TNFRSF21: variants seen among roughly 807,000 people sequenced by gnomAD.
TNFRSF21 encodes the protein tumor necrosis factor receptor superfamily member 21.
A neutral mutation model predicts 45.6 loss-of-function variants in TNFRSF21; 19 were observed. The observed-to-expected ratio is 0.42, with a 90% confidence interval of 0.29 to 0.61. TNFRSF21 has a LOEUF of 0.61. TNFRSF21 is among the 20% of genes least tolerant of loss of function. The probability of loss-of-function intolerance (pLI) is 0.23; values close to 1 mark genes in which losing one functional copy is unlikely to be tolerated. For missense variants in TNFRSF21, 737 were observed against 851.5 expected (o/e 0.87, Z 1.67); for synonymous variants, 314 against 335.5 (o/e 0.94, Z 0.70).
At chr6:47,297,510 C>CT (rs55690288) in intron 1 of TNFRSF21, among the ~76,000 whole-genome samples, 16,155 of 117,424 alleles carry the variant, frequency 0.14, 1,418 homozygotes, top group East Asian at 0.4. Context: ...TCTCTTTTTA[C>CT]TTTTTTTTTT....
intron 1 of TNFRSF21, among the ~76,000 whole-genome samples, chr6:47,292,912 T>C (rs899730567): frequency 1.3e-5 from 2 of 152,238 alleles, no homozygotes; most frequent in Non-Finnish European, 2.9e-5. Flanking sequence ...GGACTGTCCA[T>C]ACATAGCGTT....
intron 1 of TNFRSF21, among the ~76,000 whole-genome samples, chr6:47,301,201 A>T (rs1762861330): frequency 6.6e-6 from 1 of 152,232 alleles, no homozygotes; most frequent in South Asian, 2.1e-4. Flanking sequence ...ATGAATGAAC[A>T]GTTAGTTTAA....
At chr6:47,240,746 A>C (rs772631942) in intron 4 of TNFRSF21, among the ~76,000 whole-genome samples, 64 of 152,204 alleles carry the variant, frequency 4.2e-4, no homozygotes, top group Middle Eastern at 3.4e-3. Flanking sequence ...GCAGACTTAC[A>C]CTCCAGCTGG....
chr6:47,279,773 G>C (rs138722138), intron 3 of TNFRSF21, among the ~76,000 whole-genome samples: 16 of 152,246 alleles, frequency 1.1e-4, no homozygotes, highest in African/African-American at 2.4e-4. Context: ...ATTTTTATAT[G>C]TAAACATTCT....
intron 3 of TNFRSF21, among the ~76,000 whole-genome samples, chr6:47,254,967 AG>A (rs1433111948): frequency 2.0e-5 from 3 of 152,192 alleles, no homozygotes; most frequent in African/African-American, 4.8e-5. Flanking sequence ...CCAACTCACC[AG>A]TTTTGTAATT....
intron 1 of TNFRSF21, among the ~76,000 whole-genome samples, chr6:47,296,231 C>T (rs1206689162): frequency 6.6e-6 from 1 of 152,120 alleles, no homozygotes; most frequent in African/African-American, 2.4e-5. Context: ...AGCATGTGAA[C>T]CAAGGCAAAA....
At chr6:47,280,718 A>G (rs1762555744) in intron 3 of TNFRSF21, among the ~76,000 whole-genome samples, 3 of 152,206 alleles carry the variant, frequency 2.0e-5, no homozygotes, top group Admixed American at 2.0e-4. Flanking sequence ...TAAGGTTACC[A>G]TGGTCATAAG....
chr6:47,253,563 G>T (rs767438907), intron 3 of TNFRSF21, 42 bp from the exon 4 acceptor site: 7 of 1,592,606 alleles, frequency 4.4e-6, no homozygotes, highest in South Asian at 2.2e-5. Flanking sequence ...GGGCTTGTAA[G>T]GGAAGCTTCT....
rs1764636834 is a variant in TNFRSF21, at chr6:47,234,666, G to A, written c.1738+4C>T. On this transcript the variant is annotated splice_donor_region_variant and intron_variant, in intron 5 of 5. Coordinates refer to ENST00000296861, the MANE Select transcript of TNFRSF21 (RefSeq NM_014452.5). ...GTGTGTGAGGTCTGCTGCGATGCCC[G>A]TACCTTTGGTAATAAAGGAACCGTT... 1.2e-6 allele frequency: 2 copies of A among 1,602,232 alleles called. No individual in the cohort carries two copies. Among genetic ancestry groups the A allele is most frequent in the Middle Eastern group, 1.8e-4 (1 of 5,428 alleles).
At chr6:47,266,791 A>G (rs1762337917) in intron 3 of TNFRSF21, among the ~76,000 whole-genome samples, 1 of 152,234 alleles carries the variant, frequency 6.6e-6, no homozygotes, top group African/African-American at 2.4e-5. Context: ...CATTATAAAT[A>G]TTTGAATCCA....
At chr6:47,237,674 A>G (rs1764679817) in intron 4 of TNFRSF21, among the ~76,000 whole-genome samples, 1 of 152,184 alleles carries the variant, frequency 6.6e-6, no homozygotes, top group Non-Finnish European at 1.5e-5. Context: ...TGAGTTTTCC[A>G]AATTCTCTGT....
At chr6:47,260,207 C>T (rs1310576875) in intron 3 of TNFRSF21, among the ~76,000 whole-genome samples, 1 of 152,248 alleles carries the variant, frequency 6.6e-6, no homozygotes, top group Non-Finnish European at 1.5e-5. Context: ...ACCAGACTCC[C>T]GGCTTCCTGT....
At chr6:47,233,572 G>A (rs1045325163) in intron 5 of TNFRSF21, among the ~76,000 whole-genome samples, 1 of 151,552 alleles carries the variant, frequency 6.6e-6, no homozygotes, top group Admixed American at 6.6e-5. Context: ...TTCTTCTCAG[G>A]TCATACCTTA....
At chr6:47,261,132 C>T (rs951205695) in intron 3 of TNFRSF21, among the ~76,000 whole-genome samples, 1 of 152,198 alleles carries the variant, frequency 6.6e-6, no homozygotes, top group Non-Finnish European at 1.5e-5. Flanking sequence ...TCCTAACAGG[C>T]ACGCACTGTG....
At chr6:47,235,591 G>T (rs564752770) in intron 4 of TNFRSF21, among the ~76,000 whole-genome samples, 14 of 152,290 alleles carry the variant, frequency 9.2e-5, no homozygotes, top group African/African-American at 3.4e-4. Flanking sequence ...TTACTGCAGT[G>T]CTTGCTGACT....
chr6:47,270,675 G>A (rs1454119746), intron 3 of TNFRSF21, among the ~76,000 whole-genome samples: 1 of 152,208 alleles, frequency 6.6e-6, no homozygotes, highest in Non-Finnish European at 1.5e-5. Flanking sequence ...TTGAGGAGTT[G>A]ACAGAAGTAG....
intron 3 of TNFRSF21, among the ~76,000 whole-genome samples, chr6:47,263,139 T>G (rs1192654828): frequency 6.6e-6 from 1 of 152,044 alleles, no homozygotes; most frequent in Non-Finnish European, 1.5e-5. Context: ...CAGGATTTAC[T>G]AATGAGCCAA....
intron 1 of TNFRSF21, among the ~76,000 whole-genome samples, chr6:47,289,511 C>A (rs1781011753): frequency 6.6e-6 from 1 of 152,166 alleles, no homozygotes; most frequent in South Asian, 2.1e-4. Context: ...AGAAACTTAA[C>A]CTCATCTTAG....
At position 47,309,632 on chromosome 6, in the gene TNFRSF21, C is replaced by G. The variant is rs1762989673; in HGVS notation, c.-121G>C. 7.5e-7 allele frequency: 1 copy of G among 1,329,544 alleles called. No individual in the cohort carries two copies. Among genetic ancestry groups the G allele is most frequent in the Non-Finnish European group, 9.7e-7 (1 of 1,035,876 alleles). The allele number at this position is 1,329,544 out of a possible 1,614,324, so 82.4% of individuals were successfully genotyped here. A position where few individuals can be genotyped will look rare whatever the true frequency, so the allele number is the denominator to read the frequency against. ...GGGCCGGGAGCCCATCTACCTCCAA[C>G]ACCCCATGTGCACTGCTGCGGCCGG... On this transcript the variant is annotated 5_prime_UTR_variant, in exon 1 of 6. Coordinates refer to ENST00000296861, the MANE Select transcript of TNFRSF21 (RefSeq NM_014452.5).
Sources: allele counts gnomAD v4.1 joint callset (sites outside exome capture counted in the v4.1 genomes callset), GRCh38; gene constraint gnomAD v4.1.1; transcripts MANE v1.5; gene names NCBI Gene and HGNC (gene_info 2026-07-23, HGNC 2026-07-21).